The following PRKAR1B variants were observed in gnomAD, a reference collection of about 807,000 sequenced individuals.
The protein encoded by PRKAR1B is cAMP-dependent protein kinase type I-beta regulatory subunit.
In PRKAR1B, 22 loss-of-function variants were observed where a neutral mutation model predicts 46.5. That is an observed-to-expected ratio of 0.47 (90% CI 0.34 to 0.68). The LOEUF (loss-of-function observed/expected upper bound fraction) is 0.68, where lower values mean the gene tolerates loss of function less well. Among genes scored for constraint, PRKAR1B ranks in the 30% least tolerant of loss-of-function variants. The pLI is 0.01. For missense variants in PRKAR1B, 445 were observed against 535.6 expected (o/e 0.83, Z 1.67); for synonymous variants, 259 against 217.7 (o/e 1.19, Z -1.67).
intron 9 of PRKAR1B, among the ~76,000 whole-genome samples, chr7:567,807 G>T (rs1779269576): frequency 6.6e-6 from 1 of 152,040 alleles, no homozygotes; most frequent in African/African-American, 2.4e-5. Context: ...CTCCCTTATA[G>T]CAGGCAGTAG....
chr7:576,250 C>T (rs543458578), intron 9 of PRKAR1B, among the ~76,000 whole-genome samples: 10 of 152,090 alleles, frequency 6.6e-5, no homozygotes, highest in East Asian at 1.9e-4. Context: ...CGGGTGTGCA[C>T]GCTGGAATCA....
chr7:623,833 G>A (rs192412179), intron 4 of PRKAR1B, among the ~76,000 whole-genome samples: 14 of 152,316 alleles, frequency 9.2e-5, no homozygotes, highest in South Asian at 4.1e-4. Flanking sequence ...AGAGAGAAGC[G>A]CGTGAATGGC....
chr7:677,227 A>G lies in PRKAR1B; in HGVS notation c.440+2T>C. The G allele has an allele frequency of 1.2e-6, 2 of 1,614,056 alleles. No individual in the cohort carries two copies. The highest frequency in any genetic ancestry group is 1.6e-4 in the Middle Eastern group (1 of 6,062). On this transcript the variant is annotated splice_donor_variant, in intron 4 of 10. Transcript: ENST00000537384. LOFTEE classifies it high-confidence loss of function. Reference sequence around the variant, plus strand: ...GCCGGGGCAGGGGACGAGTCTGCCTACCTCCTCTCGTTGTCATCCAGGTGA... The same window carrying G: ...GCCGGGGCAGGGGACGAGTCTGCCTGCCTCCTCTCGTTGTCATCCAGGTGA...
At chr7:570,849 G>A (rs562663364) in intron 9 of PRKAR1B, among the ~76,000 whole-genome samples, 4 of 141,190 alleles carry the variant, frequency 2.8e-5, no homozygotes, top group Admixed American at 7.1e-5. Context: ...CCTGCCCCAC[G>A]GCCCCCACCA....
intron 4 of PRKAR1B, among the ~76,000 whole-genome samples, chr7:611,304 G>A (rs1782470827): frequency 6.6e-6 from 1 of 152,138 alleles, no homozygotes; most frequent in Non-Finnish European, 1.5e-5. Flanking sequence ...CCCTGGACTG[G>A]TCTCTAAGCT....
chr7:707,432 T>G (rs180803121), intron 2 of PRKAR1B, among the ~76,000 whole-genome samples: 40 of 152,272 alleles, frequency 2.6e-4, no homozygotes, highest in African/African-American at 9.6e-4. Context: ...CAACCTGCTA[T>G]TTTCACTCAG....
At chr7:686,310 A>G (rs1469133135) in intron 2 of PRKAR1B, among the ~76,000 whole-genome samples, 6 of 152,186 alleles carry the variant, frequency 3.9e-5, no homozygotes, top group Admixed American at 1.3e-4. Context: ...CAGAAAAAAA[A>G]AAAATGGAGA....
At chr7:606,998 T>C (rs1387722747) in intron 5 of PRKAR1B, among the ~76,000 whole-genome samples, 3 of 152,052 alleles carry the variant, frequency 2.0e-5, no homozygotes, top group Non-Finnish European at 2.9e-5. Flanking sequence ...TATGTACAAG[T>C]CTATATATAT....
intron 4 of PRKAR1B, among the ~76,000 whole-genome samples, chr7:663,210 T>C (rs1785712149): frequency 6.6e-6 from 1 of 152,158 alleles, no homozygotes; most frequent in African/African-American, 2.4e-5. Flanking sequence ...CCACTTTTTA[T>C]TGATGTGTGT....
chr7:639,940 G>A (rs1002358964), intron 4 of PRKAR1B, among the ~76,000 whole-genome samples: 3 of 151,832 alleles, frequency 2.0e-5, no homozygotes, highest in Non-Finnish European at 2.9e-5. Context: ...CAAGGTGGGC[G>A]GATCACAAGG....
chr7:562,354 C>G (rs1249223110), intron 9 of PRKAR1B, among the ~76,000 whole-genome samples: 1 of 152,168 alleles, frequency 6.6e-6, no homozygotes, highest in African/African-American at 2.4e-5. Context: ...CCCCAAGCGT[C>G]CCAGTGAGGG....
chr7:596,690 TCA>T (rs1200322877), intron 6 of PRKAR1B, among the ~76,000 whole-genome samples: 1 of 152,260 alleles, frequency 6.6e-6, no homozygotes, highest in Non-Finnish European at 1.5e-5. Flanking sequence ...TCTCTGGGCC[TCA>T]GTTTCCCTAG....
chr7:692,517 C>CTTTG (rs148290748), intron 2 of PRKAR1B, among the ~76,000 whole-genome samples: 5,066 of 152,116 alleles, frequency 0.033, 314 homozygotes, highest in African/African-American at 0.12. Context: ...GGCTCTGGGC[C>CTTTG]TTTGTAGAAA....
At chr7:594,980 G>A (rs1454469368) in intron 7 of PRKAR1B, among the ~76,000 whole-genome samples, 2 of 152,214 alleles carry the variant, frequency 1.3e-5, no homozygotes, top group African/African-American at 2.4e-5. Flanking sequence ...TGCTGTCTAC[G>A]CTCACTGGAT....
At chr7:596,402 G>C (rs2128456788) in intron 6 of PRKAR1B, 98 bp from the exon 7 acceptor site, 1 of 1,422,192 alleles carries the variant, frequency 7.0e-7, no homozygotes, top group South Asian at 1.3e-5. Context: ...TCCAGAAGAG[G>C]GTCCCCGCAG....
At chr7:672,820 T>C (rs567570692) in intron 4 of PRKAR1B, among the ~76,000 whole-genome samples, 1 of 151,928 alleles carries the variant, frequency 6.6e-6, no homozygotes, top group South Asian at 2.1e-4. Flanking sequence ...TGAGCCAAGA[T>C]TGCAAGACTG....
rs571950761 is a variant in PRKAR1B, at chr7:716,643, C to T, written c.-22-5116G>A. On this transcript the variant is annotated intron_variant, in intron 1 of 10. Coordinates refer to ENST00000537384, the MANE Select transcript of PRKAR1B (RefSeq NM_001164760.2). ...TGGTGTTTGTCTTATTCTTTATTCA[C>T]TCTGCATGGCGAAGAGACCAACACA... The T allele has an allele frequency of 2.0e-5, 3 of 152,348 alleles. No homozygotes were observed. In the South Asian group the frequency reaches 6.2e-4, roughly 32 times the overall value. 9.4% of individuals were successfully genotyped at this position (152,348 alleles called of 1,614,324 possible). A position where few individuals can be genotyped will look rare whatever the true frequency, so the allele number is the denominator to read the frequency against.
intron 9 of PRKAR1B, among the ~76,000 whole-genome samples, chr7:563,552 G>A (rs1339806256): frequency 2.6e-5 from 4 of 152,216 alleles, no homozygotes; most frequent in Admixed American, 6.5e-5. Flanking sequence ...GTGCATGCAT[G>A]TGTGCACGTG....
chr7:613,307 CTG>C (rs1238508109), intron 4 of PRKAR1B, among the ~76,000 whole-genome samples: 2 of 148,198 alleles, frequency 1.3e-5, no homozygotes, highest in Non-Finnish European at 3.0e-5. Context: ...CATTGTAAAT[CTG>C]TGTAATTTTA....
Sources: gnomAD v4.1 joint callset for allele counts (sites outside exome capture counted in the v4.1 genomes callset) on GRCh38, gnomAD v4.1.1 for gene constraint, MANE v1.5 for transcripts, NCBI Gene and HGNC (gene_info 2026-07-23, HGNC 2026-07-21) for gene names.